The following UGDH variants were observed in gnomAD, a reference collection of about 807,000 sequenced individuals.
UGDH encodes the protein UDP-glucose 6-dehydrogenase, also known as UDP-Glc dehydrogenase.
Under a neutral mutation model 50.6 loss-of-function variants are expected in UGDH, and 38 were observed. The ratio of observed to expected loss-of-function variants is 0.75; its 90% CI spans 0.58 to 0.98. The LOEUF (loss-of-function observed/expected upper bound fraction) is 0.98, where lower values mean the gene tolerates loss of function less well. Among genes scored for constraint, UGDH ranks in the 50% least tolerant of loss-of-function variants. The pLI is 0.00. For synonymous variants in UGDH, 168 were observed against 199.9 expected (o/e 0.84, Z 1.35); for missense variants, 465 against 606.2 (o/e 0.77, Z 2.45).
rs1388307521 is a variant in UGDH, at chr4:39,503,940, A to C, written c.1309T>G (p.Phe437Val). ...AGGACACGCCGTCCATCGAAGATAA[A>C]GGCTGGCTTTAGCATTTTTTTATGA... is the stretch of plus-strand genomic sequence containing the variant. ...RIHKKMLKPA[F>V]IFDGRRVLDG... Residue 437 changes from phenylalanine (F) to valine (V), a missense_variant, in exon 11 of 12, where the codon TTT (phenylalanine) becomes GTT (valine). Transcript: ENST00000316423. 2 of 1,614,206 alleles carry C rather than the reference A, an allele frequency of 1.2e-6. No homozygotes were observed. Among genetic ancestry groups the C allele is most frequent in the Admixed American group, 3.3e-5 (2 of 60,024 alleles).
In UGDH at chr4:39,504,424, A is replaced by G. The variant is rs921785690; in HGVS notation, c.1256T>C (p.Met419Thr). Residue 419 changes from methionine (M) to threonine (T), a missense_variant, in exon 10 of 12, where the codon ATG becomes ACG. Coordinates refer to ENST00000316423, the MANE Select transcript of UGDH (RefSeq NM_003359.4). The stretch of plus-strand genomic sequence containing the variant: ...TCTTTTCTGTTACCTTACCTTAAAC[A>G]TGTCCCACTCAGTGCAAATAACAAC... ...HAVVICTEWD[M>T]FKELDYERIH... 1.9e-6 allele frequency: 3 copies of G among 1,614,030 alleles called. No individual in the cohort carries two copies. The highest frequency in any genetic ancestry group is 4.5e-5 in the East Asian group (2 of 44,880).
At chr4:39,509,206 CT>C (rs1215488864) in intron 6 of UGDH, among the ~76,000 whole-genome samples, 3 of 151,484 alleles carry the variant, frequency 2.0e-5, no homozygotes, top group Admixed American at 2.0e-4. Context: ...TCTCAAACTC[CT>C]AGGCTCAAGC....
intron 11 of UGDH, among the ~76,000 whole-genome samples, chr4:39,501,394 C>T (rs1745809293): frequency 6.6e-6 from 1 of 151,960 alleles, no homozygotes; most frequent in Non-Finnish European, 1.5e-5. Context: ...CTGCCTCAGC[C>T]TCCCGAGCAG....
intron 2 of UGDH, among the ~76,000 whole-genome samples, chr4:39,521,069 CAA>C (rs1179305904): frequency 0.27 from 21,375 of 78,812 alleles, 1,957 homozygotes; most frequent in African/African-American, 0.45. Flanking sequence ...GACTCCGTCT[CAA>C]AAAAAAAAAA....
At chr4:39,522,385 T>C (rs1366734578) in intron 1 of UGDH, among the ~76,000 whole-genome samples, 1 of 152,200 alleles carries the variant, frequency 6.6e-6, no homozygotes, top group Non-Finnish European at 1.5e-5. Context: ...ATCTAACCCA[T>C]TCACAGATTC....
intron 2 of UGDH, among the ~76,000 whole-genome samples, chr4:39,520,590 G>T (rs1746610910): frequency 6.6e-6 from 1 of 151,870 alleles, no homozygotes; most frequent in Non-Finnish European, 1.5e-5. Flanking sequence ...AAAAATATTT[G>T]TGGCACCAAA....
chr4:39,518,879 T>C (rs1268790325), intron 2 of UGDH, among the ~76,000 whole-genome samples: 1 of 152,200 alleles, frequency 6.6e-6, no homozygotes, highest in Non-Finnish European at 1.5e-5. Context: ...GTCAGTAATA[T>C]CATTTTAACC....
chr4:39,510,256 TTAC>T, intron 5 of UGDH, 94 bp downstream of exon 5: 13 of 1,240,524 alleles, frequency 1.0e-5, no homozygotes, highest in Non-Finnish European at 1.5e-5. Context: ...GCATAACCTC[TTAC>T]TACTATTAAA....
intron 2 of UGDH, among the ~76,000 whole-genome samples, chr4:39,520,273 G>A (rs184919263): frequency 1.4e-4 from 22 of 152,256 alleles, no homozygotes; most frequent in African/African-American, 5.3e-4. Flanking sequence ...CGGAAGGCAG[G>A]TGTTGCAGTG....
At chr4:39,523,880 A>G (rs1368690908) in intron 1 of UGDH, among the ~76,000 whole-genome samples, 1 of 152,140 alleles carries the variant, frequency 6.6e-6, no homozygotes, top group Non-Finnish European at 1.5e-5. Context: ...GTAACAAGGT[A>G]CACATGAGAA....
intron 11 of UGDH, among the ~76,000 whole-genome samples, chr4:39,500,874 G>A (rs1046641323): frequency 2.0e-5 from 3 of 151,904 alleles, no homozygotes; most frequent in South Asian, 2.1e-4. Flanking sequence ...GGCTGGTCTC[G>A]AACTCCTGAC....
chr4:39,508,618 A>G lies in UGDH; in HGVS notation c.854T>C (p.Val285Ala). Residue 285 changes from valine (V) to alanine (A), a missense_variant, in exon 7 of 12, where the codon GTT becomes GCT. Coordinates refer to ENST00000316423, the MANE Select transcript of UGDH (RefSeq NM_003359.4). Reference sequence around the variant, plus strand: ...CAAATTCAGAGCCTCACAGAGATAAACCAAATTCAGAACATCCTTTTGGAA... The same window carrying G: ...CAAATTCAGAGCCTCACAGAGATAAGCCAAATTCAGAACATCCTTTTGGAA... ...SCFQKDVLNLVYLCEALNLPE... is the reference protein window; with the variant it reads ...SCFQKDVLNLAYLCEALNLPE... 3.7e-6 allele frequency: 6 copies of G among 1,607,454 alleles called. No homozygotes were observed. The highest frequency in any genetic ancestry group is 5.1e-6 in the Non-Finnish European group (6 of 1,178,280).
chr4:39,524,118 G>A (rs548932448), intron 1 of UGDH, among the ~76,000 whole-genome samples: 27 of 152,262 alleles, frequency 1.8e-4, no homozygotes, highest in Non-Finnish European at 2.5e-4. Flanking sequence ...GAATCTCAAA[G>A]TAATGTTGGA....
chr4:39,520,955 C>T (rs1746629279), intron 2 of UGDH, among the ~76,000 whole-genome samples: 1 of 151,370 alleles, frequency 6.6e-6, no homozygotes, highest in South Asian at 2.1e-4. Context: ...CGCCTGTAAT[C>T]CCAGCTACTC....
At chr4:39,518,174 G>A (rs962518058) in intron 2 of UGDH, among the ~76,000 whole-genome samples, 14 of 151,972 alleles carry the variant, frequency 9.2e-5, no homozygotes, top group African/African-American at 2.7e-4. Flanking sequence ...CAGGTGATCC[G>A]CCCACCTCAG....
intron 7 of UGDH, among the ~76,000 whole-genome samples, chr4:39,506,804 A>G (rs1746046500): frequency 6.6e-6 from 1 of 152,186 alleles, no homozygotes; most frequent in Non-Finnish European, 1.5e-5. Flanking sequence ...ATGAACAGTG[A>G]GATAAAGCCA....
chr4:39,507,396 G>A (rs1746069392), intron 7 of UGDH, among the ~76,000 whole-genome samples: 1 of 152,192 alleles, frequency 6.6e-6, no homozygotes, highest in South Asian at 2.1e-4. Context: ...TATAGGTTCT[G>A]TTTTTTGGAG....
chr4:39,517,204 A>ATTT (rs202114945), intron 2 of UGDH, among the ~76,000 whole-genome samples: 7 of 141,222 alleles, frequency 5.0e-5, no homozygotes, highest in Admixed American at 3.5e-4. Context: ...TTACTACTAA[A>ATTT]TTTTTTTTTT....
intron 11 of UGDH, among the ~76,000 whole-genome samples, chr4:39,500,510 C>T (rs1372949605): frequency 1.3e-5 from 2 of 152,132 alleles, no homozygotes. Flanking sequence ...TCAAAGTAGT[C>T]AATTATGTGC....
Sources: allele counts gnomAD v4.1 joint callset (sites outside exome capture counted in the v4.1 genomes callset), GRCh38; gene constraint gnomAD v4.1.1; transcripts MANE v1.5; gene names NCBI Gene and HGNC (gene_info 2026-07-23, HGNC 2026-07-21).